MEGF11: variants seen among roughly 807,000 people sequenced by gnomAD.
MEGF11 encodes multiple EGF like domains 11, also known as multiple epidermal growth factor-like domains protein 11.
Under a neutral mutation model 146.6 loss-of-function variants are expected in MEGF11, and 126 were observed. That is an observed-to-expected ratio of 0.86 (90% CI 0.74 to 1.00). The LOEUF (loss-of-function observed/expected upper bound fraction) is 1.00, where lower values mean the gene tolerates loss of function less well. Among genes scored for constraint, MEGF11 ranks in the 50% least tolerant of loss-of-function variants. The pLI, the probability that MEGF11 is intolerant of heterozygous loss-of-function variation, is 0.00. For missense variants in MEGF11, 1,509 were observed against 1,521.2 expected, an observed-to-expected ratio of 0.99 and a Z score of 0.13; for synonymous variants, 532 against 583.4, an observed-to-expected ratio of 0.91 and a Z score of 1.27.
chr15:66,227,280 C>T (rs865938403), intron 1 of MEGF11, among the ~76,000 whole-genome samples: 10 of 152,120 alleles, frequency 6.6e-5, no homozygotes, highest in Admixed American at 6.5e-5. Context: ...CCTGGAGCTG[C>T]TGTGAGGATT....
At chr15:66,243,892 A>G (rs1359247234) in intron 1 of MEGF11, among the ~76,000 whole-genome samples, 2 of 152,126 alleles carry the variant, frequency 1.3e-5, no homozygotes, top group Admixed American at 1.3e-4. Flanking sequence ...TCCTTCCAAC[A>G]TCATACTATG....
chr15:65,921,162 A>T (rs1338854603), intron 15 of MEGF11, among the ~76,000 whole-genome samples: 1 of 152,220 alleles, frequency 6.6e-6, no homozygotes, highest in Non-Finnish European at 1.5e-5. Context: ...GTGATTATTC[A>T]TCAAAAGAAT....
intron 5 of MEGF11, among the ~76,000 whole-genome samples, chr15:66,093,287 C>T (rs914077219): frequency 2.3e-4 from 35 of 152,106 alleles, no homozygotes; most frequent in Middle Eastern, 3.2e-3. Context: ...CCAGTCAAGG[C>T]CTTTGGGAAA....
intron 2 of MEGF11, among the ~76,000 whole-genome samples, chr15:66,127,973 C>T (rs1157884659): frequency 1.3e-5 from 2 of 152,230 alleles, no homozygotes; most frequent in Non-Finnish European, 2.9e-5. Flanking sequence ...AAGTCCGCAT[C>T]CCCCCACTTA....
chr15:66,004,390 G>A (rs1050544824), intron 5 of MEGF11, among the ~76,000 whole-genome samples: 3 of 149,712 alleles, frequency 2.0e-5, no homozygotes, highest in African/African-American at 7.4e-5. Flanking sequence ...CAACCAGGGA[G>A]GGGCACAGAG....
At chr15:66,127,808 A>T (rs574059177) in intron 2 of MEGF11, among the ~76,000 whole-genome samples, 1 of 150,378 alleles carries the variant, frequency 6.6e-6, no homozygotes, top group Non-Finnish European at 1.5e-5. Context: ...CCCCAGCAAC[A>T]CCCTGCCCCC....
intron 1 of MEGF11, among the ~76,000 whole-genome samples, chr15:66,133,386 G>T (rs1187023763): frequency 6.6e-6 from 1 of 152,214 alleles, no homozygotes; most frequent in Admixed American, 6.5e-5. Context: ...ACCCCAAACT[G>T]GAGCTGATAA....
At position 65,982,921 on chromosome 15, in the gene MEGF11, A is replaced by C. The variant is rs2081710373; in HGVS notation, c.395-433T>G. Among the ~76,000 whole-genome samples, 1 of 141,728 alleles carries C rather than the reference A, an allele frequency of 7.1e-6. No homozygotes were observed. Among genetic ancestry groups the C allele is most frequent in the Non-Finnish European group, 1.6e-5 (1 of 64,016 alleles). 93.0% of individuals were successfully genotyped at this position (141,728 alleles called of 152,430 possible). A position where few individuals can be genotyped will look rare whatever the true frequency, so the allele number is the denominator to read the frequency against. On this transcript the variant is annotated intron_variant, in intron 5 of 25. Coordinates refer to ENST00000395614, the MANE Select transcript of MEGF11 (RefSeq NM_001385028.1). The surrounding 1 kb of genome is among the most constrained non-coding windows in gnomAD (Gnocchi z 5.6). The stretch of plus-strand genomic sequence containing the variant: ...TGCCACCCCTCTCCTCTGTGACCCT[A>C]CCCCTCTCTTCTTGGGACCTGCGGG...
At chr15:65,961,022 T>C (rs1445314553) in intron 9 of MEGF11, among the ~76,000 whole-genome samples, 1 of 152,084 alleles carries the variant, frequency 6.6e-6, no homozygotes, top group East Asian at 1.9e-4. Flanking sequence ...TTGATTACTC[T>C]ACTTATCTTA....
At chr15:66,216,736 G>C (rs905681103) in intron 1 of MEGF11, among the ~76,000 whole-genome samples, 4 of 152,172 alleles carry the variant, frequency 2.6e-5, no homozygotes. Flanking sequence ...TCTCAGGCTG[G>C]AGTATTTAGG....
intron 15 of MEGF11, among the ~76,000 whole-genome samples, chr15:65,920,604 T>C (rs773882408): frequency 3.9e-5 from 6 of 152,256 alleles, no homozygotes; most frequent in Non-Finnish European, 7.3e-5. Flanking sequence ...ATTGGTCGAC[T>C]TCTTAGCTGA....
Position 65,909,506 on chromosome 15 carries a change from C to A in MEGF11, c.2896+234G>T, listed in dbSNP as rs370493949. On this transcript the variant is annotated intron_variant, in intron 22 of 25. Transcript: ENST00000395614. ...TTTGCTTCCATCTGGAATCCCTACACCCTGGCCCTGGTTTTCTCCCTTATG... is the reference window on the plus strand; with the variant it reads ...TTTGCTTCCATCTGGAATCCCTACAACCTGGCCCTGGTTTTCTCCCTTATG... Among the ~76,000 whole-genome samples, 10 of 152,220 alleles carry A rather than the reference C, an allele frequency of 6.6e-5. No homozygotes were observed. In the East Asian group the frequency reaches 1.9e-3, roughly 29 times the overall value.
chr15:66,128,366 AAGG>A lies in MEGF11; in HGVS notation c.35_37del (p.Ser12del). On this transcript the variant is annotated inframe_deletion, in exon 2 of 26. Coordinates refer to ENST00000395614, the MANE Select transcript of MEGF11 (RefSeq NM_001385028.1). ...GTTCAGGGCAAGGGTGGCTTGCAGG[AAGG>A]AGAAGGCAATGAGCCCCGTCAGGGA... The A allele has an allele frequency of 6.6e-7, 1 of 1,524,718 alleles. No individual in the cohort carries two copies. The highest frequency in any genetic ancestry group is 8.8e-7 in the Non-Finnish European group (1 of 1,134,478). 94.4% of individuals were successfully genotyped at this position (1,524,718 alleles called of 1,614,324 possible). A position where few individuals can be genotyped will look rare whatever the true frequency, so the allele number is the denominator to read the frequency against.
chr15:66,233,584 G>T lies in MEGF11; in HGVS notation c.-9+20021C>A, dbSNP rs140973534. 3.9e-5 allele frequency among the ~76,000 whole-genome samples: 6 copies of T among 152,214 alleles called. No individual in the cohort carries two copies. The East Asian group carries it at 1.2e-3, about 29-fold the overall frequency. On this transcript the variant is annotated intron_variant, in intron 1 of 25. Coordinates refer to ENST00000395614, the MANE Select transcript of MEGF11 (RefSeq NM_001385028.1). The stretch of plus-strand genomic sequence containing the variant: ...TCACTTTACAGATGGGGAAACTAAG[G>T]CTTAGCAAGCTAAAACAAACTACCC...
At chr15:66,124,771 G>A (rs1012799488) in intron 2 of MEGF11, among the ~76,000 whole-genome samples, 3 of 152,254 alleles carry the variant, frequency 2.0e-5, no homozygotes, top group Non-Finnish European at 2.9e-5. Context: ...CAGGGAAGCA[G>A]ATCTCAGCTT....
intron 1 of MEGF11, among the ~76,000 whole-genome samples, chr15:66,200,266 G>A (rs1044760717): frequency 3.3e-5 from 5 of 152,158 alleles, no homozygotes; most frequent in African/African-American, 1.2e-4. Flanking sequence ...TACGTTTCTG[G>A]GTTTTTGTAG....
At chr15:65,913,475 G>A (rs2078881825) in intron 20 of MEGF11, 1 of 574,068 alleles carries the variant, frequency 1.7e-6, no homozygotes, top group African/African-American at 1.9e-5. Context: ...CCGAAGGCTG[G>A]TGAGAAGGAT....
rs1356274014 is a variant in MEGF11 at position 65,912,078 on chromosome 15, G to A, written c.2829+4C>T. 2.4e-6 allele frequency: 3 copies of A among 1,230,280 alleles called. No individual in the cohort carries two copies. The highest frequency in any genetic ancestry group is 3.0e-6 in the Non-Finnish European group (3 of 986,398). The allele number at this position is 1,230,280 out of a possible 1,614,324, so 76.2% of individuals were successfully genotyped here. A position where few individuals can be genotyped will look rare whatever the true frequency, so the allele number is the denominator to read the frequency against. ...TGGGGGCTGGGGAATCAGGGGCCCGGTACCTTGGTGGGGCTGTTCCTGTCC... is the reference window on the plus strand; with the variant it reads ...TGGGGGCTGGGGAATCAGGGGCCCGATACCTTGGTGGGGCTGTTCCTGTCC... On this transcript the variant is annotated splice_donor_region_variant and intron_variant, in intron 21 of 25. Coordinates refer to ENST00000395614, the MANE Select transcript of MEGF11 (RefSeq NM_001385028.1).
In MEGF11 at chr15:65,942,519, T is replaced by TTGATGA. The variant is rs58727647; in HGVS notation, c.1288-11582_1288-11577dup. Among the ~76,000 whole-genome samples, 10 of 151,954 alleles carry TTGATGA rather than the reference T, an allele frequency of 6.6e-5. No individual in the cohort carries two copies. In the South Asian group the frequency reaches 1.7e-3, roughly 25 times the overall value. On this transcript the variant is annotated intron_variant, in intron 10 of 25. Coordinates refer to ENST00000395614, the MANE Select transcript of MEGF11 (RefSeq NM_001385028.1). ...ATCCTTTGAATGAGAGAAAGCTGGT[T>TTGATGA]TGATGATGATGATGATGATGACTAT...
Sources: gnomAD v4.1 joint callset for allele counts (sites outside exome capture counted in the v4.1 genomes callset) on GRCh38, gnomAD v4.1.1 for gene constraint, Gnocchi (gnomAD v3.1) non-coding constraint, MANE v1.5 for transcripts, NCBI Gene and HGNC (gene_info 2026-07-23, HGNC 2026-07-21) for gene names.